Variants in CHD2 observed in about 807,000 individuals in gnomAD.
CHD2 encodes ATP-dependent chromatin remodeler CHD2.
Under a neutral mutation model 243.9 loss-of-function variants are expected in CHD2, and 28 were observed. The ratio of observed to expected loss-of-function variants is 0.11; its 90% CI spans 0.09 to 0.16. The LOEUF (loss-of-function observed/expected upper bound fraction) is 0.16. CHD2 is among the 10% of genes least tolerant of loss of function. The probability of loss-of-function intolerance (pLI) is 1.00; values close to 1 mark genes in which losing one functional copy is unlikely to be tolerated. For missense variants in CHD2, 1,386 were observed against 2,209.8 expected (o/e 0.63, Z 7.47); for synonymous variants, 775 against 779.0 (o/e 0.99, Z 0.09).
intron 2 of CHD2, among the ~76,000 whole-genome samples, chr15:92,918,230 C>A (rs1326142107): frequency 6.6e-6 from 1 of 152,196 alleles, no homozygotes; most frequent in Admixed American, 6.5e-5. Context: ...TTACCTACTT[C>A]AGAAAGTATT....
chr15:93,014,940 G>T (rs1261824315), intron 37 of CHD2, 31 bp downstream of exon 37: 1 of 1,576,242 alleles, frequency 6.3e-7, no homozygotes, highest in Admixed American at 1.7e-5. Flanking sequence ...TTTAAAAGAG[G>T]TGCCAAAAGA....
Position 93,019,981 on chromosome 15 carries a change from A to T in CHD2, c.4907-31A>T, listed in dbSNP as rs367860083. 181 of 1,577,050 alleles carry T rather than the reference A, an allele frequency of 1.1e-4. No homozygotes were observed. Among genetic ancestry groups the T allele is most frequent in the Admixed American group, 9.4e-5 (5 of 53,178 alleles). ...AAAGTGAAATTCATCCATTTCTTGC[A>T]GTCATCAGATCATTCTTTCTTTTCC... On this transcript the variant is annotated intron_variant, in intron 37 of 38. Transcript: ENST00000394196.
At position 92,953,424 on chromosome 15, in the gene CHD2, T is replaced by A; in HGVS notation, c.1570T>A (p.Ser524Thr). 6.2e-7 allele frequency: 1 copy of A among 1,614,184 alleles called. No individual in the cohort carries two copies. The highest frequency in any genetic ancestry group is 1.1e-5 in the South Asian group (1 of 91,080). The change falls in exon 14 of 39, where the codon TCC becomes ACC. Residue 524 changes from serine (S) to threonine (T), a missense_variant. Coordinates refer to ENST00000394196, the MANE Select transcript of CHD2 (RefSeq NM_001271.4). ...GACCATCCAGACCATATCATTCCTC[T>A]CCTACCTGTTCCACCAACACCAGCT... ...GKTIQTISFL[S>T]YLFHQHQLYG... is the part of the protein sequence containing the mutation.
chr15:93,019,349 G>A (rs538087971), intron 37 of CHD2, among the ~76,000 whole-genome samples: 1 of 152,282 alleles, frequency 6.6e-6, no homozygotes, highest in South Asian at 2.1e-4. Context: ...TTAAGAGTCT[G>A]CCACAGATTG....
chr15:92,974,840 C>G (rs942454077), intron 19 of CHD2, 39 bp from the exon 20 acceptor site: 24 of 1,585,718 alleles, frequency 1.5e-5, no homozygotes, highest in Non-Finnish European at 1.9e-5. Flanking sequence ...TGTAGCTGAT[C>G]TTCCTATCTT....
In CHD2 at chr15:93,002,221, G is replaced by A. The variant is rs1345670976; in HGVS notation, c.4182G>A (p.Lys1394=). Reference sequence around the variant, plus strand: ...GTCCAATGAAAAAAAAACAGAAGAAGAAAGAGAACAAGGAGAACAAGGAGA... The same window carrying A: ...GTCCAATGAAAAAAAAACAGAAGAAAAAAGAGAACAAGGAGAACAAGGAGA... ...EKSPMKKKQK[K]KENKENKEKQ... is the part of the protein sequence containing the mutation. Residue 1394 remains lysine (K), a synonymous_variant, in exon 33 of 39, where the codon AAG becomes AAA. Coordinates refer to ENST00000394196, the MANE Select transcript of CHD2 (RefSeq NM_001271.4). The A allele has an allele frequency of 6.3e-7, 1 of 1,599,648 alleles. No homozygotes were observed. The highest frequency in any genetic ancestry group is 1.4e-5 in the African/African-American group (1 of 73,788).
intron 38 of CHD2, 58 bp downstream of exon 38, chr15:93,020,316 G>C: frequency 6.2e-7 from 1 of 1,605,592 alleles, no homozygotes. Flanking sequence ...TGTTTCTAGG[G>C]AGAAAGTGAC....
chr15:92,930,775 T>C (rs1312101501), intron 5 of CHD2, among the ~76,000 whole-genome samples: 1 of 152,192 alleles, frequency 6.6e-6, no homozygotes, highest in African/African-American at 2.4e-5. Flanking sequence ...GTAGCATATA[T>C]GGACCTTTCT....
chr15:92,900,379 C>T lies in CHD2; in HGVS notation c.-517C>T. On this transcript the variant is annotated 5_prime_UTR_variant, in exon 1 of 39. Coordinates refer to ENST00000394196, the MANE Select transcript of CHD2 (RefSeq NM_001271.4). ...TGTGCCTTAGAGAGAGCGCGCTCTGCTCCCTGCCTTTGCCTCACTTTACGC... is the reference window on the plus strand; with the variant it reads ...TGTGCCTTAGAGAGAGCGCGCTCTGTTCCCTGCCTTTGCCTCACTTTACGC... The T allele has an allele frequency of 2.5e-6, 1 of 393,170 alleles. No homozygotes were observed. 24.4% of individuals were successfully genotyped at this position (393,170 alleles called of 1,614,324 possible). A position where few individuals can be genotyped will look rare whatever the true frequency, so the allele number is the denominator to read the frequency against.
Position 92,998,640 on chromosome 15 carries a change from G to C in CHD2, c.4008+19G>C, listed in dbSNP as rs760047993. The C allele has an allele frequency of 1.7e-5, 28 of 1,608,198 alleles. No individual in the cohort carries two copies. Among genetic ancestry groups the C allele is most frequent in the Non-Finnish European group, 2.4e-5 (28 of 1,176,936 alleles). ...GGAAGAGGTGAGTACGCTGCCAGCT[G>C]GTTGTTTTTCAGGGGCCTGAGGCTC... On this transcript the variant is annotated intron_variant, in intron 31 of 38. Coordinates refer to ENST00000394196, the MANE Select transcript of CHD2 (RefSeq NM_001271.4). The surrounding 1 kb of genome is among the most constrained non-coding windows in gnomAD (Gnocchi z 5.1).
rs147884853 is a variant in CHD2, at chr15:93,000,677, A to G, written c.4137+37A>G. On this transcript the variant is annotated intron_variant, in intron 32 of 38. Coordinates refer to ENST00000394196, the MANE Select transcript of CHD2 (RefSeq NM_001271.4). ...GGTTTCGGTTGAGGGTTATTTATTT[A>G]TTTTAGCTATACTTATCATGCCAGC... is the stretch of plus-strand genomic sequence containing the variant. 13,915 of 1,588,428 alleles carry G rather than the reference A, an allele frequency of 8.8e-3. 91 individuals are homozygous for G. The highest frequency in any genetic ancestry group is 0.011 in the Non-Finnish European group (12,462 of 1,166,914).
Position 92,949,222 on chromosome 15 carries a change from T to A in CHD2, c.1502+146T>A, listed in dbSNP as rs140122653. 7.3e-5 allele frequency: 107 copies of A among 1,471,552 alleles called. No homozygotes were observed. In the East Asian group the frequency reaches 2.5e-3, roughly 34 times the overall value. The allele number at this position is 1,471,552 out of a possible 1,614,324, so 91.2% of individuals were successfully genotyped here. ...TGCTGCATATTACAGAAATAAAAGATGATTGAGAGAAATGCTTCCTGGGAG... is the reference window on the plus strand; with the variant it reads ...TGCTGCATATTACAGAAATAAAAGAAGATTGAGAGAAATGCTTCCTGGGAG... On this transcript the variant is annotated intron_variant, in intron 13 of 38. Transcript: ENST00000394196.
At chr15:92,937,694 C>T (rs2053289009) in intron 6 of CHD2, 69 bp downstream of exon 6, 10 of 1,177,962 alleles carry the variant, frequency 8.5e-6, no homozygotes, top group South Asian at 2.7e-5. Context: ...AGGATAATGT[C>T]GTGCTGAAAT....
At chr15:92,937,467 C>G (rs2141773352) in intron 5 of CHD2, 51 bp from the exon 6 acceptor site, 1 of 1,359,440 alleles carries the variant, frequency 7.4e-7, no homozygotes, top group African/African-American at 1.5e-5. Context: ...GATTATTTAT[C>G]TTGAAGGATT....
At position 93,020,142 on chromosome 15, in the gene CHD2, A is replaced by T; in HGVS notation, c.5037A>T (p.Arg1679=). ...AGGACCACCATTATGGGGACCGGCG[A>T]CATATGGATGCCCACCGTTCCGGAA... The part of the protein sequence containing the change: ...WYKDHHYGDR[R]HMDAHRSGSY... The change falls in exon 38 of 39, where the codon CGA becomes CGT. Residue 1679 remains arginine (R), a synonymous_variant. Transcript: ENST00000394196. The T allele has an allele frequency of 6.2e-7, 1 of 1,614,124 alleles. No individual in the cohort carries two copies. Among genetic ancestry groups the T allele is most frequent in the Middle Eastern group, 1.6e-4 (1 of 6,062 alleles).
intron 2 of CHD2, chr15:92,902,360 T>C (rs578222363): frequency 5.6e-4 from 220 of 390,592 alleles, no homozygotes; most frequent in African/African-American, 4.3e-3. Context: ...TGATGTGTTC[T>C]TTATGCATTT....
At chr15:92,943,816 C>T (rs1333631570) in intron 9 of CHD2, 1 of 152,382 alleles carries the variant, frequency 6.6e-6, no homozygotes, top group Non-Finnish European at 1.5e-5. Flanking sequence ...GACAGTAATT[C>T]TGGTTTTACT....
chr15:92,972,806 C>G lies in CHD2; in HGVS notation c.2505+389C>G, dbSNP rs567262090. Among the ~76,000 whole-genome samples, 86 of 10,692 alleles carry G rather than the reference C, an allele frequency of 8.0e-3. 30 individuals carry two copies. Among genetic ancestry groups the G allele is most frequent in the Admixed American group, 0.034 (10 of 296 alleles). The allele number at this position is 10,692 out of a possible 152,430, so 7.0% of individuals were successfully genotyped here. A position where few individuals can be genotyped will look rare whatever the true frequency, so the allele number is the denominator to read the frequency against. On this transcript the variant is annotated intron_variant, in intron 19 of 38. Coordinates refer to ENST00000394196, the MANE Select transcript of CHD2 (RefSeq NM_001271.4). ...GCGGAGCTTGCAGTGAGCCGAGATC[C>G]CGCCACTGCACTCCAGCCTGGGCGA...
chr15:92,973,527 C>T (rs1596421426), intron 19 of CHD2, among the ~76,000 whole-genome samples: 1 of 152,102 alleles, frequency 6.6e-6, no homozygotes, highest in East Asian at 1.9e-4. Flanking sequence ...AGAAGGCCCA[C>T]CTTTGAGACT....
Sources: allele counts gnomAD v4.1 joint callset (sites outside exome capture counted in the v4.1 genomes callset), GRCh38; gene constraint gnomAD v4.1.1; non-coding constraint Gnocchi (gnomAD v3.1); transcripts MANE v1.5; gene names NCBI Gene and HGNC (gene_info 2026-07-23, HGNC 2026-07-21).